ADAMTS19: variants seen among roughly 807,000 people sequenced by gnomAD.
ADAMTS19 encodes ADAM metallopeptidase with thrombospondin type 1 motif 19.
A neutral mutation model predicts 153.3 loss-of-function variants in ADAMTS19; 93 were observed. That is an observed-to-expected ratio of 0.61 (90% CI 0.51 to 0.72). The LOEUF is 0.72. Ranked by LOEUF, ADAMTS19 falls within the 30% of genes least tolerant of loss-of-function variation. The pLI is 0.00. For missense variants in ADAMTS19, 1,482 were observed against 1,552.1 expected, an observed-to-expected ratio of 0.95 and a Z score of 0.76; for synonymous variants, 600 against 556.6, an observed-to-expected ratio of 1.08 and a Z score of -1.10.
chr5:129,701,787 A>G (rs1036231634), intron 20 of ADAMTS19, among the ~76,000 whole-genome samples, 195 bp downstream of exon 20: 1 of 152,242 alleles, frequency 6.6e-6, no homozygotes, highest in Non-Finnish European at 1.5e-5. Context: ...TTTCTATTCT[A>G]TAAATATTGC....
At chr5:129,517,490 A>C (rs1751653201) in intron 3 of ADAMTS19, among the ~76,000 whole-genome samples, 1 of 151,896 alleles carries the variant, frequency 6.6e-6, no homozygotes, top group Non-Finnish European at 1.5e-5. Context: ...ATATATATTT[A>C]AAATTGTTAT....
In ADAMTS19 at chr5:129,684,281, A is replaced by G; in HGVS notation, c.2818+8A>G. On this transcript the variant is annotated splice_region_variant and intron_variant, in intron 18 of 22. Transcript: ENST00000274487. ...ATGCCACTTGTGGAGGAGGTGAAGG[A>G]TTTTTAAACATTTATCTTTCCAAAA... 1 of 1,613,328 alleles carries G rather than the reference A, an allele frequency of 6.2e-7. No individual in the cohort carries two copies. The highest frequency in any genetic ancestry group is 2.2e-5 in the East Asian group (1 of 44,864).
Position 129,485,881 on chromosome 5 carries a change from T to C in ADAMTS19, c.748-23196T>C, listed in dbSNP as rs1750573462. 2.0e-5 allele frequency among the ~76,000 whole-genome samples: 3 copies of C among 152,114 alleles called. No individual in the cohort carries two copies. In the South Asian group the frequency reaches 6.2e-4, roughly 32 times the overall value. The stretch of plus-strand genomic sequence containing the variant: ...TCTGAGCTCACTGCAACCTCCACCT[T>C]CCAGGTTCAAGTGATTCTCCTGCCT... On this transcript the variant is annotated intron_variant, in intron 2 of 22. Transcript: ENST00000274487.
intron 8 of ADAMTS19, among the ~76,000 whole-genome samples, chr5:129,610,975 C>A (rs1024939326): frequency 2.6e-5 from 4 of 152,056 alleles, no homozygotes; most frequent in African/African-American, 7.2e-5. Flanking sequence ...TTTTAATGAT[C>A]GCCATTCTAA....
At chr5:129,621,602 C>T (rs562721781) in intron 9 of ADAMTS19, among the ~76,000 whole-genome samples, 4 of 152,220 alleles carry the variant, frequency 2.6e-5, no homozygotes, top group East Asian at 1.9e-4. Flanking sequence ...TCAGACACAC[C>T]ATCAGTAGCT....
intron 2 of ADAMTS19, among the ~76,000 whole-genome samples, chr5:129,498,798 A>AT (rs10637813): frequency 0.13 from 17,929 of 134,044 alleles, 1,216 homozygotes; most frequent in East Asian, 0.35. Flanking sequence ...CATTCACTCT[A>AT]TTTTTTTTTT....
At chr5:129,707,493 A>C (rs926010915) in intron 21 of ADAMTS19, among the ~76,000 whole-genome samples, 4 of 152,220 alleles carry the variant, frequency 2.6e-5, no homozygotes, top group African/African-American at 4.8e-5. Context: ...GCTCCACGTG[A>C]ATTTTATTGG....
chr5:129,596,778 A>C (rs1750400202), intron 8 of ADAMTS19, 114 bp downstream of exon 8: 1 of 733,476 alleles, frequency 1.4e-6, no homozygotes, highest in East Asian at 2.7e-5. Flanking sequence ...TTTTTGAAAA[A>C]CTAGGGAGAC....
intron 10 of ADAMTS19, among the ~76,000 whole-genome samples, chr5:129,626,694 T>G (rs187554160): frequency 6.6e-6 from 1 of 152,222 alleles, no homozygotes. Flanking sequence ...TTGACAAATA[T>G]TTATTAAGTT....
At chr5:129,664,545 G>T (rs145108588) in intron 15 of ADAMTS19, among the ~76,000 whole-genome samples, 1 of 152,032 alleles carries the variant, frequency 6.6e-6, no homozygotes, top group South Asian at 2.1e-4. Flanking sequence ...CTACCACCAG[G>T]GGGGGTATAT....
At chr5:129,683,307 C>A (rs1754911838) in intron 17 of ADAMTS19, among the ~76,000 whole-genome samples, 1 of 151,676 alleles carries the variant, frequency 6.6e-6, no homozygotes. Context: ...GCACTGGGAA[C>A]CAGTAGAGAA....
chr5:129,523,486 T>C lies in ADAMTS19; in HGVS notation c.914-2798T>C, dbSNP rs184077201. The stretch of plus-strand genomic sequence containing the variant: ...AAATGACAAGGAGAGGGGCAAGTGG[T>C]AGCTGATTTAACAATATACCATGGA... On this transcript the variant is annotated intron_variant, in intron 3 of 22. Transcript: ENST00000274487. 1.5e-3 allele frequency among the ~76,000 whole-genome samples: 222 copies of C among 152,304 alleles called. 2 individuals are homozygous for C. The highest frequency in any genetic ancestry group is 3.2e-4 in the Non-Finnish European group (22 of 68,016).
rs527463017 is a variant in ADAMTS19 at position 129,653,577 on chromosome 5, A to G, written c.2177-729A>G. ...TCGTACACAACGACATGGTTTCTGCATAAGTAGTGAAGGGGACAGAGTTCT... is the reference window on the plus strand; with the variant it reads ...TCGTACACAACGACATGGTTTCTGCGTAAGTAGTGAAGGGGACAGAGTTCT... On this transcript the variant is annotated intron_variant, in intron 13 of 22. Coordinates refer to ENST00000274487, the MANE Select transcript of ADAMTS19 (RefSeq NM_133638.6). Among the ~76,000 whole-genome samples, 9 of 152,338 alleles carry G rather than the reference A, an allele frequency of 5.9e-5. No homozygotes were observed. The South Asian group carries it at 1.2e-3, about 21-fold the overall frequency.
intron 21 of ADAMTS19, among the ~76,000 whole-genome samples, chr5:129,721,275 C>T (rs926603452): frequency 2.6e-5 from 4 of 152,150 alleles, no homozygotes; most frequent in Middle Eastern, 3.2e-3. Context: ...ATAAAAGGAA[C>T]ATTTCTATAT....
At chr5:129,729,914 C>T (rs986094015) in intron 21 of ADAMTS19, among the ~76,000 whole-genome samples, 9 of 152,008 alleles carry the variant, frequency 5.9e-5, no homozygotes, top group East Asian at 1.9e-4. Context: ...TTTGAAATAT[C>T]GAGAACCTTC....
At chr5:129,561,934 C>T (rs1267977473) in intron 7 of ADAMTS19, among the ~76,000 whole-genome samples, 1 of 152,108 alleles carries the variant, frequency 6.6e-6, no homozygotes, top group Non-Finnish European at 1.5e-5. Context: ...CTGTCAAGCT[C>T]ATGGTGACAG....
At chr5:129,503,712 C>T (rs551770830) in intron 2 of ADAMTS19, among the ~76,000 whole-genome samples, 1 of 152,054 alleles carries the variant, frequency 6.6e-6, no homozygotes, top group East Asian at 1.9e-4. Context: ...CCTGTGATCC[C>T]AACTACTAGG....
chr5:129,535,697 C>A lies in ADAMTS19; in HGVS notation c.1328+7020C>A, dbSNP rs561806030. Among the ~76,000 whole-genome samples, 19 of 152,266 alleles carry A rather than the reference C, an allele frequency of 1.2e-4. 1 individual carries two copies. The highest frequency in any genetic ancestry group is 1.2e-3 in the Admixed American group (19 of 15,286). On this transcript the variant is annotated intron_variant, in intron 6 of 22. Transcript: ENST00000274487. ...CTACAGTAACCAAAACAGTATGGTACTGGTACCGAAACAGAGATATAGACC... is the reference window on the plus strand; with the variant it reads ...CTACAGTAACCAAAACAGTATGGTAATGGTACCGAAACAGAGATATAGACC...
intron 2 of ADAMTS19, among the ~76,000 whole-genome samples, chr5:129,502,622 A>G (rs1751140780): frequency 6.6e-6 from 1 of 152,226 alleles, no homozygotes; most frequent in South Asian, 2.1e-4. Context: ...GTTTTCCTAA[A>G]GATACAACTT....
Sources: gnomAD v4.1 joint callset for allele counts (sites outside exome capture counted in the v4.1 genomes callset) on GRCh38, gnomAD v4.1.1 for gene constraint, MANE v1.5 for transcripts, NCBI Gene and HGNC (gene_info 2026-07-23, HGNC 2026-07-21) for gene names.